NUP153: variants seen among roughly 807,000 people sequenced by gnomAD.
NUP153 encodes the protein nuclear pore complex protein Nup153.
In NUP153, 27 loss-of-function variants were observed where a neutral mutation model predicts 134.6. The ratio of observed to expected loss-of-function variants is 0.20; its 90% CI spans 0.15 to 0.28. The LOEUF is 0.28. NUP153 is among the 10% of genes least tolerant of loss of function. The probability of loss-of-function intolerance (pLI) is 1.00; values close to 1 mark genes in which losing one functional copy is unlikely to be tolerated. For synonymous variants in NUP153, 640 were observed against 623.5 expected (o/e 1.03, Z -0.40); for missense variants, 1,821 against 1,731.3 (o/e 1.05, Z -0.92).
chr6:17,647,009 G>A (rs1385137645), intron 13 of NUP153, among the ~76,000 whole-genome samples: 2 of 149,424 alleles, frequency 1.3e-5, no homozygotes, highest in African/African-American at 4.9e-5. Context: ...CACCTGCCTC[G>A]GCCTCCCAAA....
rs774281487 is a variant in NUP153, at chr6:17,624,855, T to G, written c.3902-22A>C. On this transcript the variant is annotated intron_variant, in intron 19 of 21. Transcript: ENST00000262077. ...GATCCTGGAGGCCCAAAGAAACACTTAAGTCACCATGGTGGCTAATGTCAG... is the reference window on the plus strand; with the variant it reads ...GATCCTGGAGGCCCAAAGAAACACTGAAGTCACCATGGTGGCTAATGTCAG... 3 of 1,551,582 alleles carry G rather than the reference T, an allele frequency of 1.9e-6. No individual in the cohort carries two copies. In the South Asian group the frequency reaches 3.6e-5, roughly 19 times the overall value.
At chr6:17,669,054 G>C in intron 7 of NUP153, 26 bp from the exon 8 acceptor site, 11 of 1,340,066 alleles carry the variant, frequency 8.2e-6, no homozygotes, top group Non-Finnish European at 1.1e-5. Flanking sequence ...AACACTATTA[G>C]AATAGATGGG....
chr6:17,677,896 T>C (rs1768322341), intron 2 of NUP153, among the ~76,000 whole-genome samples: 1 of 151,688 alleles, frequency 6.6e-6, no homozygotes, highest in Admixed American at 6.6e-5. Context: ...AGAGAGTCGT[T>C]AGGTATTTTT....
chr6:17,644,116 T>C (rs541647523), intron 14 of NUP153, among the ~76,000 whole-genome samples: 1 of 152,212 alleles, frequency 6.6e-6, no homozygotes, highest in Non-Finnish European at 1.5e-5. Context: ...TTCCATAATC[T>C]GGCCTCTTAT....
In NUP153 at chr6:17,646,150, C is replaced by A; in HGVS notation, c.1637G>T (p.Gly546Val). The change falls in exon 14 of 22, where the codon GGA (glycine) becomes GTA (valine). Residue 546 changes from glycine (G) to valine (V), a missense_variant. Coordinates refer to ENST00000262077, the MANE Select transcript of NUP153 (RefSeq NM_005124.4). Reference protein sequence around the residue: ...EANVLPPSSIGFTFSVPVAKT... With the variant: ...EANVLPPSSIVFTFSVPVAKT... ...TGCAACAGGCACACTAAATGTAAAT[C>A]CAATCTGTAAAGAGAAAGAATATCC... The A allele has an allele frequency of 6.4e-7, 1 of 1,562,116 alleles. No homozygotes were observed. The highest frequency in any genetic ancestry group is 8.8e-7 in the Non-Finnish European group (1 of 1,133,610).
At chr6:17,650,042 T>C (rs1766424620) in intron 11 of NUP153, among the ~76,000 whole-genome samples, 1 of 152,204 alleles carries the variant, frequency 6.6e-6, no homozygotes, top group African/African-American at 2.4e-5. Context: ...AAGTCTCCAA[T>C]GATCCCTAGA....
At chr6:17,648,320 A>G (rs1430364897) in intron 12 of NUP153, among the ~76,000 whole-genome samples, 1 of 152,142 alleles carries the variant, frequency 6.6e-6, no homozygotes, top group East Asian at 1.9e-4. Flanking sequence ...GACCTCACCC[A>G]TAAAAATATT....
At chr6:17,670,385 G>C (rs1198507277) in intron 5 of NUP153, among the ~76,000 whole-genome samples, 1 of 152,118 alleles carries the variant, frequency 6.6e-6, no homozygotes, top group Non-Finnish European at 1.5e-5. Flanking sequence ...TATTGACCTT[G>C]TATCCTGTGA....
At chr6:17,624,210 G>A (rs1764799424) in intron 20 of NUP153, among the ~76,000 whole-genome samples, 1 of 152,140 alleles carries the variant, frequency 6.6e-6, no homozygotes, top group Non-Finnish European at 1.5e-5. Context: ...GGACCTGGGG[G>A]TAACTTCCTA....
At chr6:17,646,895 A>G (rs1290945013) in intron 13 of NUP153, among the ~76,000 whole-genome samples, 1 of 147,910 alleles carries the variant, frequency 6.8e-6, no homozygotes, top group East Asian at 2.0e-4. Context: ...GTGCACCACC[A>G]TGCCTGGCTA....
intron 11 of NUP153, among the ~76,000 whole-genome samples, chr6:17,657,409 A>T (rs9477501): frequency 0.16 from 23,556 of 151,242 alleles, 2,458 homozygotes; most frequent in East Asian, 0.58. Flanking sequence ...AATAAAAAAA[A>T]AAAAAATAGC....
chr6:17,641,549 C>CA (rs769212790), intron 14 of NUP153, among the ~76,000 whole-genome samples: 4 of 150,560 alleles, frequency 2.7e-5, no homozygotes, highest in East Asian at 2.0e-4. Flanking sequence ...CAAAACAAAA[C>CA]AAACAAACAA....
intron 9 of NUP153, 28 bp downstream of exon 9, chr6:17,665,211 A>C (rs1204486148): frequency 6.5e-7 from 1 of 1,540,484 alleles, no homozygotes; most frequent in East Asian, 2.3e-5. Context: ...CAATATTCAA[A>C]GACTGGTAGA....
At chr6:17,692,282 C>T (rs1225244981) in intron 1 of NUP153, among the ~76,000 whole-genome samples, 1 of 152,152 alleles carries the variant, frequency 6.6e-6, no homozygotes, top group Non-Finnish European at 1.5e-5. Flanking sequence ...CCCAGAAGAG[C>T]TTAATAGAGG....
At position 17,637,265 on chromosome 6, in the gene NUP153, T is replaced by G. The variant is rs1292918049; in HGVS notation, c.2352A>C (p.Leu784Phe). 2 of 1,614,206 alleles carry G rather than the reference T, an allele frequency of 1.2e-6. No homozygotes were observed. Among genetic ancestry groups the G allele is most frequent in the East Asian group, 4.5e-5 (2 of 44,886 alleles). The change falls in exon 16 of 22, where the codon TTA (leucine) becomes TTC (phenylalanine). Residue 784 changes from leucine (L) to phenylalanine (F), a missense_variant. Transcript: ENST00000262077. ...SSSCTVTTGTLGFGDKFKRPI... is the reference protein window; with the variant it reads ...SSSCTVTTGTFGFGDKFKRPI... The stretch of plus-strand genomic sequence containing the variant: ...GCCTTTTGAATTTATCTCCAAATCC[T>G]AAGGTACCAGTGGTTACAGTGCAGC...
intron 1 of NUP153, among the ~76,000 whole-genome samples, chr6:17,702,446 T>G (rs1421157468): frequency 6.6e-6 from 1 of 152,024 alleles, no homozygotes; most frequent in Non-Finnish European, 1.5e-5. Context: ...AGGCAGAGCT[T>G]GCAGTGAGCA....
In NUP153 at chr6:17,706,308, T is replaced by C. The variant is rs1385125779; in HGVS notation, c.80A>G (p.Lys27Arg). The change falls in exon 1 of 22, where the codon AAG (lysine) becomes AGG (arginine). Residue 27 changes from lysine (K) to arginine (R), a missense_variant. Transcript: ENST00000262077. This position sits in a 1 kb window ranked among gnomAD's most constrained non-coding sequence, Gnocchi z 5.9. ...RTRRCHQGPI[K>R]PYQQGRQQHQ... Reference sequence around the variant, plus strand: ...CTGTTGTCGCCCCTGCTGGTAAGGCTTAATTGGCCCCTGGTGGCAACGCCG... The same window carrying C: ...CTGTTGTCGCCCCTGCTGGTAAGGCCTAATTGGCCCCTGGTGGCAACGCCG... 1 of 1,613,682 alleles carries C rather than the reference T, an allele frequency of 6.2e-7. No homozygotes were observed. Among genetic ancestry groups the C allele is most frequent in the African/African-American group, 1.3e-5 (1 of 75,022 alleles).
At chr6:17,678,261 C>G (rs1768348373) in intron 2 of NUP153, among the ~76,000 whole-genome samples, 1 of 147,640 alleles carries the variant, frequency 6.8e-6, no homozygotes, top group South Asian at 2.1e-4. Flanking sequence ...GAGGCTGAAG[C>G]ACGAGAATTG....
In NUP153 at chr6:17,706,377, C is replaced by G. The variant is rs781127428; in HGVS notation, c.11G>C (p.Gly4Ala). ...ACCGCCCCCTCCGACTCCTCCGGCT[C>G]CCGAGGCCATGGCGGAGCCTCCGCC... is the stretch of plus-strand genomic sequence containing the variant. Reference protein sequence around the residue: MASGAGGVGGGGGG... With the variant: MASAAGGVGGGGGG... The change falls in exon 1 of 22, where the codon GGA becomes GCA. Residue 4 changes from glycine to alanine, a missense_variant. Physicochemically the swap from Gly to Ala is moderately conservative, Grantham distance 60 (BLOSUM62 0). Coordinates refer to ENST00000262077, the MANE Select transcript of NUP153 (RefSeq NM_005124.4). This position sits in a 1 kb window ranked among gnomAD's most constrained non-coding sequence, Gnocchi z 5.9. 2 of 1,612,154 alleles carry G rather than the reference C, an allele frequency of 1.2e-6. No homozygotes were observed. Among genetic ancestry groups the G allele is most frequent in the Non-Finnish European group, 1.7e-6 (2 of 1,179,522 alleles).
Sources: gnomAD v4.1 joint callset for allele counts (sites outside exome capture counted in the v4.1 genomes callset) on GRCh38, gnomAD v4.1.1 for gene constraint, Gnocchi (gnomAD v3.1) non-coding constraint, MANE v1.5 for transcripts, NCBI Gene and HGNC (gene_info 2026-07-23, HGNC 2026-07-21) for gene names.